Variants in RBM47 observed in about 807,000 individuals in gnomAD.
The protein encoded by RBM47 is RNA binding motif protein 47.
RBM47 carries 21 observed loss-of-function variants against 47.1 expected under a neutral mutation model. The ratio of observed to expected loss-of-function variants is 0.45; its 90% CI spans 0.32 to 0.64. The LOEUF (loss-of-function observed/expected upper bound fraction) is 0.64, where lower values mean the gene tolerates loss of function less well. Among genes scored for constraint, RBM47 ranks in the 30% least tolerant of loss-of-function variants. The probability of loss-of-function intolerance (pLI) is 0.05; values close to 1 mark genes in which losing one functional copy is unlikely to be tolerated. For missense variants in RBM47, 708 were observed against 870.9 expected (o/e 0.81, Z 2.35); for synonymous variants, 375 against 361.7 (o/e 1.04, Z -0.42).
At chr4:40,481,913 G>A (rs1199232968) in intron 2 of RBM47, among the ~76,000 whole-genome samples, 2 of 152,028 alleles carry the variant, frequency 1.3e-5, no homozygotes, top group Non-Finnish European at 2.9e-5. Context: ...TCGAACTCCT[G>A]ACCTCAGGCG....
At chr4:40,523,679 C>T (rs1726429072) in intron 2 of RBM47, among the ~76,000 whole-genome samples, 1 of 151,188 alleles carries the variant, frequency 6.6e-6, no homozygotes, top group Non-Finnish European at 1.5e-5. Flanking sequence ...GCCAGGGTGA[C>T]GTGGTGAAAC....
chr4:40,555,243 T>C (rs1263379441), intron 1 of RBM47, among the ~76,000 whole-genome samples: 1 of 152,234 alleles, frequency 6.6e-6, no homozygotes, highest in Non-Finnish European at 1.5e-5. Flanking sequence ...AATTTTTGTA[T>C]TTTTAATAGA....
chr4:40,460,761 G>A (rs990690186), intron 3 of RBM47, among the ~76,000 whole-genome samples: 19 of 151,948 alleles, frequency 1.3e-4, no homozygotes, highest in Non-Finnish European at 2.5e-4. Flanking sequence ...GGTGGCAGGC[G>A]CCTGTAGTCC....
chr4:40,600,999 A>AAAAAGAAAG (rs1338188731), intron 1 of RBM47, among the ~76,000 whole-genome samples: 40 of 147,364 alleles, frequency 2.7e-4, no homozygotes, highest in African/African-American at 1.0e-3. Context: ...AAAAAAAAAA[A>AAAAAGAAAG]AAAGAAAGAA....
chr4:40,434,745 CA>C (rs1382402961), intron 5 of RBM47, among the ~76,000 whole-genome samples: 1 of 142,758 alleles, frequency 7.0e-6, no homozygotes, highest in Non-Finnish European at 1.5e-5. Context: ...CTAGAATCAT[CA>C]AAAGAAAGTT....
At chr4:40,581,004 C>G (rs59704626) in intron 1 of RBM47, among the ~76,000 whole-genome samples, 47,644 of 152,142 alleles carry the variant, frequency 0.31, 7,754 homozygotes, top group Non-Finnish European at 0.34. Context: ...ATTCCAGGAA[C>G]AAGAATCTGT....
intron 1 of RBM47, among the ~76,000 whole-genome samples, chr4:40,615,341 G>A (rs1269910245): frequency 6.6e-6 from 1 of 152,044 alleles, no homozygotes; most frequent in African/African-American, 2.4e-5. Flanking sequence ...TACTTGGGAA[G>A]CCGAGGTGAG....
chr4:40,438,924 C>G lies in RBM47; in HGVS notation c.-31G>C, dbSNP rs1261467753. On this transcript the variant is annotated splice_region_variant and 5_prime_UTR_variant, in exon 4 of 7. Transcript: ENST00000295971. ...CAAAGGCATCCACAGCTGGCGGAAA[C>G]CTGGGGAAGCAGAAAGAAGCGTGAG... 1.3e-6 allele frequency: 2 copies of G among 1,498,978 alleles called. No homozygotes were observed. The highest frequency in any genetic ancestry group is 1.8e-6 in the Non-Finnish European group (2 of 1,126,636). The allele number at this position is 1,498,978 out of a possible 1,614,324, so 92.9% of individuals were successfully genotyped here.
chr4:40,560,488 G>C (rs1260276543), intron 1 of RBM47, among the ~76,000 whole-genome samples: 3 of 152,198 alleles, frequency 2.0e-5, no homozygotes, highest in Admixed American at 6.5e-5. Context: ...TCCTTGGATT[G>C]AATGAGGACA....
intron 2 of RBM47, among the ~76,000 whole-genome samples, chr4:40,509,112 A>T (rs1188011452): frequency 6.6e-6 from 1 of 152,062 alleles, no homozygotes; most frequent in Non-Finnish European, 1.5e-5. Context: ...GTGAGCCGAG[A>T]TTGTGCCACT....
chr4:40,482,888 C>T (rs1021514105), intron 2 of RBM47, among the ~76,000 whole-genome samples: 1 of 152,166 alleles, frequency 6.6e-6, no homozygotes, highest in Non-Finnish European at 1.5e-5. Context: ...ACCTGTTCAA[C>T]ATATTATTTT....
chr4:40,549,524 G>GTTTT (rs11381654), intron 1 of RBM47, among the ~76,000 whole-genome samples: 5 of 132,758 alleles, frequency 3.8e-5, no homozygotes, highest in South Asian at 2.4e-4. Context: ...TTGTTTGTTC[G>GTTTT]TTTTTTTTTT....
At chr4:40,571,191 G>A (rs193258008) in intron 1 of RBM47, among the ~76,000 whole-genome samples, 1 of 152,026 alleles carries the variant, frequency 6.6e-6, no homozygotes, top group Non-Finnish European at 1.5e-5. Context: ...ACTCCAGCCT[G>A]AGTGAGAGAG....
At chr4:40,599,557 GC>G (rs1461902047) in intron 1 of RBM47, among the ~76,000 whole-genome samples, 60 of 152,146 alleles carry the variant, frequency 3.9e-4, no homozygotes, top group Admixed American at 1.3e-3. Context: ...AGGCCTGGTA[GC>G]TTTGCTGTCC....
intron 2 of RBM47, among the ~76,000 whole-genome samples, chr4:40,526,026 A>G (rs1726670388): frequency 6.6e-6 from 1 of 152,190 alleles, no homozygotes; most frequent in Non-Finnish European, 1.5e-5. Context: ...GAAAAAGAAA[A>G]AGAAGGACAA....
At position 40,586,455 on chromosome 4, in the gene RBM47, G is replaced by A. The variant is rs531508231; in HGVS notation, c.-239-41949C>T. Among the ~76,000 whole-genome samples, 4 of 151,776 alleles carry A rather than the reference G, an allele frequency of 2.6e-5. No individual in the cohort carries two copies. The South Asian group carries it at 8.4e-4, about 32-fold the overall frequency. On this transcript the variant is annotated intron_variant, in intron 1 of 6. Transcript: ENST00000295971. ...CTTTTTGAAAGCAGGCATGTTGGAG[G>A]GTGCTCCTGGGTAAGAAGGGGTTAA...
At chr4:40,595,925 A>G (rs1429099038) in intron 1 of RBM47, among the ~76,000 whole-genome samples, 2 of 151,912 alleles carry the variant, frequency 1.3e-5, no homozygotes, top group African/African-American at 4.8e-5. Flanking sequence ...AAAAAAAAAA[A>G]GAGATGTTAT....
chr4:40,428,304 T>C (rs1357780855), intron 6 of RBM47, among the ~76,000 whole-genome samples: 4 of 152,236 alleles, frequency 2.6e-5, no homozygotes, highest in African/African-American at 9.6e-5. Flanking sequence ...CAGCCACCAG[T>C]AGAGTTGGTA....
chr4:40,434,003 GTGTGT>G (rs749431555), intron 5 of RBM47, among the ~76,000 whole-genome samples: 17,918 of 79,294 alleles, frequency 0.23, 4,334 homozygotes, highest in South Asian at 0.4. Flanking sequence ...TGGGGCGGGG[GTGTGT>G]GTGTGTGTGT....
Sources: allele counts gnomAD v4.1 joint callset (sites outside exome capture counted in the v4.1 genomes callset), GRCh38; gene constraint gnomAD v4.1.1; transcripts MANE v1.5; gene names NCBI Gene and HGNC (gene_info 2026-07-23, HGNC 2026-07-21).